The following DGKG variants were observed in gnomAD, a reference collection of about 807,000 sequenced individuals.
DGKG encodes the protein DAG kinase gamma.
A neutral mutation model predicts 105.3 loss-of-function variants in DGKG; 78 were observed. That is an observed-to-expected ratio of 0.74 (90% CI 0.62 to 0.89). The LOEUF is 0.89. Ranked by LOEUF, DGKG falls within the 40% of genes least tolerant of loss-of-function variation. DGKG has a pLI of 0.00. For missense variants in DGKG, 958 were observed against 1,020.1 expected (o/e 0.94, Z 0.83); for synonymous variants, 346 against 367.1 (o/e 0.94, Z 0.66).
intron 21 of DGKG, 52 bp downstream of exon 21, chr3:186,211,743 T>A: frequency 7.6e-7 from 1 of 1,322,888 alleles, no homozygotes; most frequent in Non-Finnish European, 1.1e-6. Flanking sequence ...TGTGTGACAG[T>A]CCAGGAGCAG....
chr3:186,348,815 T>C (rs1018400599), intron 1 of DGKG, among the ~76,000 whole-genome samples: 2 of 152,184 alleles, frequency 1.3e-5, no homozygotes, highest in Non-Finnish European at 2.9e-5. Flanking sequence ...TATTTAGTGT[T>C]GCACAATGTC....
At chr3:186,310,311 CCAGGAGG>C (rs1724480175) in intron 2 of DGKG, among the ~76,000 whole-genome samples, 1 of 135,732 alleles carries the variant, frequency 7.4e-6, no homozygotes, top group Admixed American at 7.8e-5. Flanking sequence ...CAACAAGAAT[CCAGGAGG>C]TTTCTAACTA....
intron 24 of DGKG, chr3:186,160,877 G>A: frequency 7.1e-6 from 7 of 985,430 alleles, no homozygotes; most frequent in Non-Finnish European, 8.4e-6. Flanking sequence ...TAAAGGGAGA[G>A]CTAACGGATA....
intron 3 of DGKG, among the ~76,000 whole-genome samples, chr3:186,301,500 G>C (rs539489855): frequency 6.6e-6 from 1 of 152,116 alleles, no homozygotes; most frequent in Non-Finnish European, 1.5e-5. Context: ...GGTGGCGGGC[G>C]CCTGTAGTCC....
At position 186,243,586 on chromosome 3, in the gene DGKG, A is replaced by G. The variant is rs566031129; in HGVS notation, c.1762-1018T>C. Among the ~76,000 whole-genome samples, 10 of 152,216 alleles carry G rather than the reference A, an allele frequency of 6.6e-5. No individual in the cohort carries two copies. The South Asian group carries it at 2.1e-3, about 32-fold the overall frequency. The stretch of plus-strand genomic sequence containing the variant: ...AAACGGAACTTGTCTTTCCTCCTCA[A>G]ACTCGGTCTTCCACCCTCGACAATG... On this transcript the variant is annotated intron_variant, in intron 19 of 24. Transcript: ENST00000265022.
At position 186,211,016 on chromosome 3, in the gene DGKG, G is replaced by T. The variant is rs139784130; in HGVS notation, c.1917+779C>A. On this transcript the variant is annotated intron_variant, in intron 21 of 24. Transcript: ENST00000265022. ...CGGAGCGAAGCCCAGCCAACGTGGG[G>T]TGAGAGGGTGGGAAGTGGGCAGCTT... is the stretch of plus-strand genomic sequence containing the variant. Among the ~76,000 whole-genome samples, 91 of 152,324 alleles carry T rather than the reference G, an allele frequency of 6.0e-4. 1 individual carries two copies. Among genetic ancestry groups the T allele is most frequent in the African/African-American group, 2.1e-3 (87 of 41,580 alleles).
rs1028783879 is a variant in DGKG, at chr3:186,176,755, C to T, written c.2095+11447G>A. ...GACGATGAATGTAAAATATTTCTGG[C>T]ATCTAGTGCTAGATCCAAGTAAGTG... On this transcript the variant is annotated intron_variant, in intron 22 of 24. Transcript: ENST00000265022. Among the ~76,000 whole-genome samples the T allele has an allele frequency of 3.3e-5, 5 of 152,210 alleles. No individual in the cohort carries two copies. In the South Asian group the frequency reaches 6.2e-4, roughly 19 times the overall value.
chr3:186,160,696 T>C (rs891398933), intron 24 of DGKG: 28 of 985,324 alleles, frequency 2.8e-5, no homozygotes, highest in Non-Finnish European at 3.4e-5. Flanking sequence ...ACTCCACTTT[T>C]GTCTTTTGAA....
chr3:186,203,802 T>C lies in DGKG; in HGVS notation c.1917+7993A>G, dbSNP rs143726898. ...TTCTCAACTTTCCCTTCCCCATGCG[T>C]GTTTCCATTTCTTCCACTGTGGCGG... On this transcript the variant is annotated intron_variant, in intron 21 of 24. Coordinates refer to ENST00000265022, the MANE Select transcript of DGKG (RefSeq NM_001346.3). The surrounding 1 kb of genome is among the most constrained non-coding windows in gnomAD (Gnocchi z 4.9). 9.6e-4 allele frequency among the ~76,000 whole-genome samples: 146 copies of C among 152,370 alleles called. No individual in the cohort carries two copies. Among genetic ancestry groups the C allele is most frequent in the African/African-American group, 3.3e-3 (136 of 41,590 alleles).
In DGKG at chr3:186,288,825, G is replaced by C. The variant is rs762953942; in HGVS notation, c.429C>G (p.Pro143=). The change falls in exon 6 of 25, where the codon CCC becomes CCG. Residue 143 remains proline (P), a synonymous_variant. Transcript: ENST00000265022. Reference sequence around the variant, plus strand: ...AAGACCGAGGGACGGGGGGTTCCAGGGGGGTCGCAGCCACTTGGTCTTCAG... The same window carrying C: ...AAGACCGAGGGACGGGGGGTTCCAGCGGGGTCGCAGCCACTTGGTCTTCAG... ...APAEDQVAAT[P]LEPPVPRSSS... is the part of the protein sequence containing the mutation. 70 of 1,610,716 alleles carry C rather than the reference G, an allele frequency of 4.3e-5. 2 individuals are homozygous for C. The highest frequency in any genetic ancestry group is 3.0e-4 in the South Asian group (27 of 90,630).
chr3:186,297,622 C>A (rs1560140274), intron 4 of DGKG, 139 bp from the exon 5 acceptor site: 1 of 668,940 alleles, frequency 1.5e-6, no homozygotes, highest in East Asian at 2.6e-5. Flanking sequence ...TGGGTTCATG[C>A]TCGCTTATTG....
At chr3:186,294,821 T>C (rs1560138477) in intron 5 of DGKG, among the ~76,000 whole-genome samples, 1 of 152,196 alleles carries the variant, frequency 6.6e-6, no homozygotes, top group South Asian at 2.1e-4. Flanking sequence ...TGGACTAGCA[T>C]GGCTGAGTGG....
intron 1 of DGKG, among the ~76,000 whole-genome samples, chr3:186,346,979 T>C (rs901831347): frequency 6.6e-5 from 10 of 152,192 alleles, no homozygotes; most frequent in Non-Finnish European, 4.4e-5. Flanking sequence ...ATGATTTTTG[T>C]ATTAAATTTT....
chr3:186,323,131 T>C (rs74938863), intron 1 of DGKG, among the ~76,000 whole-genome samples: 1,873 of 152,348 alleles, frequency 0.012, 17 homozygotes, highest in Non-Finnish European at 0.021. Flanking sequence ...CTCTCGGTAA[T>C]AAAATTCTTC....
At chr3:186,196,220 C>T (rs543121076) in intron 21 of DGKG, among the ~76,000 whole-genome samples, 2 of 151,036 alleles carry the variant, frequency 1.3e-5, no homozygotes, top group African/African-American at 2.4e-5. Flanking sequence ...TCACTGCAAC[C>T]TCCACCTCCC....
chr3:186,267,997 G>A (rs138908940), intron 12 of DGKG, among the ~76,000 whole-genome samples: 3 of 152,176 alleles, frequency 2.0e-5, no homozygotes, highest in Non-Finnish European at 4.4e-5. Flanking sequence ...GCCAAGAGCC[G>A]CTCATGGCTA....
At chr3:186,250,679 A>G (rs898455253) in intron 19 of DGKG, among the ~76,000 whole-genome samples, 2 of 150,946 alleles carry the variant, frequency 1.3e-5, no homozygotes, top group Non-Finnish European at 2.9e-5. Flanking sequence ...CCTCCCGAGT[A>G]GCTGGGATTA....
At chr3:186,297,772 T>G (rs1723658719) in intron 4 of DGKG, among the ~76,000 whole-genome samples, 1 of 152,232 alleles carries the variant, frequency 6.6e-6, no homozygotes, top group African/African-American at 2.4e-5. Flanking sequence ...CGTCAGCCTT[T>G]GCTGAAGGCT....
chr3:186,234,591 C>T (rs1299750044), intron 20 of DGKG, among the ~76,000 whole-genome samples: 1 of 152,188 alleles, frequency 6.6e-6, no homozygotes, highest in Non-Finnish European at 1.5e-5. Flanking sequence ...ACCGATTCTA[C>T]TCTTTGTTGA....
Sources: gnomAD v4.1 joint callset for allele counts (sites outside exome capture counted in the v4.1 genomes callset) on GRCh38, gnomAD v4.1.1 for gene constraint, Gnocchi (gnomAD v3.1) non-coding constraint, MANE v1.5 for transcripts, NCBI Gene and HGNC (gene_info 2026-07-23, HGNC 2026-07-21) for gene names.